Variants in TRIQK observed in about 807,000 individuals in gnomAD.
TRIQK encodes the protein triple QxxK/R motif containing, also known as triple QxxK/R motif-containing protein.
In TRIQK, 10 loss-of-function variants were observed where a neutral mutation model predicts 10.8. The ratio of observed to expected loss-of-function variants is 0.92; its 90% CI spans 0.57 to 1.57. TRIQK has a LOEUF of 1.57. Among genes scored for constraint, TRIQK ranks in the 40% most tolerant of loss-of-function variants. The pLI is 0.00. For missense variants in TRIQK, 107 were observed against 97.7 expected, an observed-to-expected ratio of 1.09 and a Z score of -0.40; for synonymous variants, 33 against 33.7, an observed-to-expected ratio of 0.98 and a Z score of 0.07.
chr8:92,952,933 G>A (rs1811981761), intron 2 of TRIQK, among the ~76,000 whole-genome samples: 1 of 151,990 alleles, frequency 6.6e-6, no homozygotes, highest in Non-Finnish European at 1.5e-5. Flanking sequence ...AATATCTTGG[G>A]TCCAGAACCA....
intron 1 of TRIQK, among the ~76,000 whole-genome samples, chr8:92,961,104 C>G (rs1295322480): frequency 6.6e-6 from 1 of 152,146 alleles, no homozygotes; most frequent in African/African-American, 2.4e-5. Context: ...TTTAGAGATT[C>G]ATAGGTATGC....
At chr8:92,940,375 C>A (rs759677265) in intron 2 of TRIQK, among the ~76,000 whole-genome samples, 1 of 147,060 alleles carries the variant, frequency 6.8e-6, no homozygotes, top group Non-Finnish European at 1.5e-5. Flanking sequence ...ATACTGTCTG[C>A]AAGAGAATCA....
intron 1 of TRIQK, chr8:92,960,624 C>T (rs1163927771): frequency 3.9e-5 from 6 of 152,118 alleles, no homozygotes; most frequent in African/African-American, 1.4e-4. Flanking sequence ...GGTCAGGAGA[C>T]ATGACAACAA....
chr8:92,952,862 C>T (rs957204983), intron 2 of TRIQK, among the ~76,000 whole-genome samples: 4 of 151,980 alleles, frequency 2.6e-5, no homozygotes, highest in African/African-American at 7.2e-5. Flanking sequence ...CATTGCATAA[C>T]GAGCCACACT....
At chr8:92,956,191 T>G (rs993111686) in intron 1 of TRIQK, among the ~76,000 whole-genome samples, 1 of 151,804 alleles carries the variant, frequency 6.6e-6, no homozygotes. Flanking sequence ...TATATCTATA[T>G]GGTGGAATAT....
chr8:92,966,997 A>AC (rs1769948626), upstream of TRIQK, among the ~76,000 whole-genome samples: 2 of 150,836 alleles, frequency 1.3e-5, 1 homozygote, highest in Admixed American at 1.3e-4. Context: ...AAAAAAAAAA[A>AC]AAAAACTGAG....
At chr8:92,914,153 A>C (rs994286844) in intron 3 of TRIQK, among the ~76,000 whole-genome samples, 1 of 152,186 alleles carries the variant, frequency 6.6e-6, no homozygotes, top group African/African-American at 2.4e-5. Flanking sequence ...CATGATAAAA[A>C]TTCTCAATAA....
At chr8:92,928,842 A>C (rs889618811) in intron 2 of TRIQK, among the ~76,000 whole-genome samples, 37 of 152,192 alleles carry the variant, frequency 2.4e-4, no homozygotes, top group African/African-American at 8.4e-4. Flanking sequence ...AAAACATAAA[A>C]GGATTTAGTG....
chr8:92,911,743 A>T (rs1283728258), intron 3 of TRIQK, among the ~76,000 whole-genome samples: 3 of 150,862 alleles, frequency 2.0e-5, no homozygotes, highest in African/African-American at 4.9e-5. Flanking sequence ...TTATAAATTT[A>T]AAAATACACA....
At chr8:92,968,888 C>G (rs1210861522), upstream of TRIQK, among the ~76,000 whole-genome samples, 3 of 152,026 alleles carry the variant, frequency 2.0e-5, no homozygotes, top group Non-Finnish European at 4.4e-5. Context: ...GCTTATGTCC[C>G]GAATGATATT....
chr8:92,966,509 G>C (rs1380827579), upstream of TRIQK, among the ~76,000 whole-genome samples: 20 of 149,514 alleles, frequency 1.3e-4, no homozygotes, highest in Admixed American at 1.3e-3. Context: ...CAGCAAAAAA[G>C]AAAAAAAAAT....
At chr8:93,000,882 TAAA>T (rs60359673) in intron 1 of TRIQK, among the ~76,000 whole-genome samples, 1 of 122,184 alleles carries the variant, frequency 8.2e-6, no homozygotes. Flanking sequence ...CACAAAGGAT[TAAA>T]AAAAAAAAAA....
chr8:93,009,904 T>G (rs1294674821), intron 1 of TRIQK, among the ~76,000 whole-genome samples: 1 of 152,142 alleles, frequency 6.6e-6, no homozygotes, highest in Non-Finnish European at 1.5e-5. Context: ...TAGGTTGAAA[T>G]GTAGTGTAGA....
chr8:92,921,827 G>T (rs945506389), intron 2 of TRIQK, among the ~76,000 whole-genome samples: 1 of 151,632 alleles, frequency 6.6e-6, no homozygotes, highest in Non-Finnish European at 1.5e-5. Context: ...CTTTATTAAG[G>T]TTCTAAAACA....
chr8:93,014,192 A>G (rs1299744783), intron 1 of TRIQK, among the ~76,000 whole-genome samples: 1 of 152,142 alleles, frequency 6.6e-6, no homozygotes, highest in Non-Finnish European at 1.5e-5. Context: ...TTAGAAATCA[A>G]TTTCGAATAA....
intron 2 of TRIQK, among the ~76,000 whole-genome samples, chr8:92,917,746 C>T (rs150858826): frequency 6.6e-6 from 1 of 151,884 alleles, no homozygotes; most frequent in Admixed American, 6.6e-5. Flanking sequence ...AACAAAACTT[C>T]TCTTCTAAGT....
intron 1 of TRIQK, among the ~76,000 whole-genome samples, chr8:92,992,153 C>A (rs1813102587): frequency 1.3e-5 from 2 of 152,118 alleles, no homozygotes; most frequent in Admixed American, 1.3e-4. Context: ...TTGTACCCTT[C>A]TCTGACTTAC....
At chr8:92,992,644 G>C (rs1322270430) in intron 1 of TRIQK, among the ~76,000 whole-genome samples, 2 of 152,188 alleles carry the variant, frequency 1.3e-5, no homozygotes, top group Admixed American at 1.3e-4. Flanking sequence ...GAAGCACAGG[G>C]CCAGCCTGAG....
Position 93,004,001 on chromosome 8 carries a change from G to A in TRIQK, c.-181+13608C>T, listed in dbSNP as rs150492826. ...AGCTACTTTCACAGGCTAGCATTGA[G>A]TGCCTGTGGCTTTTCCAGGTGCACA... On this transcript the variant is annotated intron_variant, in intron 1 of 4. Coordinates refer to the TRIQK transcript ENST00000520686. Among the ~76,000 whole-genome samples, 145 of 152,334 alleles carry A rather than the reference G, an allele frequency of 9.5e-4. 1 individual carries two copies. Among genetic ancestry groups the A allele is most frequent in the African/African-American group, 3.3e-3 (137 of 41,572 alleles).
Sources: gnomAD v4.1 joint callset for allele counts (sites outside exome capture counted in the v4.1 genomes callset) on GRCh38, gnomAD v4.1.1 for gene constraint, MANE v1.5 for transcripts, NCBI Gene and HGNC (gene_info 2026-07-23, HGNC 2026-07-21) for gene names.